The following PLXNA4 variants were observed in gnomAD, a reference collection of about 807,000 sequenced individuals.
The protein encoded by PLXNA4 is plexin-A4.
Under a neutral mutation model 191.8 loss-of-function variants are expected in PLXNA4, and 44 were observed. That is an observed-to-expected ratio of 0.23 (90% CI 0.18 to 0.29). The LOEUF is 0.29. Ranked by LOEUF, PLXNA4 falls within the 10% of genes least tolerant of loss-of-function variation. The pLI is 1.00. For missense variants in PLXNA4, 1,800 were observed against 2,488.8 expected (o/e 0.72, Z 5.89); for synonymous variants, 1,082 against 1,009.5 (o/e 1.07, Z -1.36).
At chr7:132,287,570 C>A (rs138001566) in intron 4 of PLXNA4, among the ~76,000 whole-genome samples, 7 of 152,176 alleles carry the variant, frequency 4.6e-5, no homozygotes, top group South Asian at 2.1e-4. Context: ...CATGACCCCC[C>A]CCGGAGCCTC....
At chr7:132,245,700 T>C (rs982485604) in intron 4 of PLXNA4, among the ~76,000 whole-genome samples, 1 of 152,192 alleles carries the variant, frequency 6.6e-6, no homozygotes, top group African/African-American at 2.4e-5. Flanking sequence ...CATCAACAGA[T>C]GAATGGACAA....
At chr7:132,564,352 C>T (rs1801612032) in intron 1 of PLXNA4, among the ~76,000 whole-genome samples, 1 of 148,290 alleles carries the variant, frequency 6.7e-6, no homozygotes, top group Non-Finnish European at 1.5e-5. Flanking sequence ...TCCTCCTTCT[C>T]CTCTTTCTCC....
intron 25 of PLXNA4, among the ~76,000 whole-genome samples, chr7:132,149,239 T>C (rs1795524297): frequency 6.6e-6 from 1 of 152,226 alleles, no homozygotes; most frequent in Non-Finnish European, 1.5e-5. Context: ...GCAAAGTTTA[T>C]GTAAATGATA....
intron 3 of PLXNA4, among the ~76,000 whole-genome samples, chr7:132,448,137 C>T (rs1312983524): frequency 6.6e-6 from 1 of 152,236 alleles, no homozygotes; most frequent in African/African-American, 2.4e-5. Context: ...GTTTTCCTCC[C>T]AGGACTTCCC....
Position 132,241,052 on chromosome 7 carries a change from C to G in PLXNA4, c.1604+14G>C, listed in dbSNP as rs758424798. On this transcript the variant is annotated intron_variant, in intron 5 of 31. Transcript: ENST00000321063. Reference sequence around the variant, plus strand: ...GAAGTGGGAGGCACGAGGCAGCCTCCCCATGGTACTCACGTGTTGTGCAGC... The same window carrying G: ...GAAGTGGGAGGCACGAGGCAGCCTCGCCATGGTACTCACGTGTTGTGCAGC... 1 of 1,578,776 alleles carries G rather than the reference C, an allele frequency of 6.3e-7. No homozygotes were observed. The highest frequency in any genetic ancestry group is 2.3e-5 in the East Asian group (1 of 43,940).
At chr7:132,361,583 C>T (rs1443293454) in intron 3 of PLXNA4, among the ~76,000 whole-genome samples, 1 of 152,066 alleles carries the variant, frequency 6.6e-6, no homozygotes, top group Non-Finnish European at 1.5e-5. Context: ...TTCCAACCTA[C>T]ATTAATATAA....
At chr7:132,557,525 TTTTCCTTTAA>T (rs1800853580) in intron 1 of PLXNA4, among the ~76,000 whole-genome samples, 1 of 116,430 alleles carries the variant, frequency 8.6e-6, no homozygotes, top group Admixed American at 8.8e-5. Flanking sequence ...TTTCCTTGAA[TTTTCCTTTAA>T]TTTATCTTTT....
chr7:132,528,817 C>T (rs1490097933), intron 1 of PLXNA4, among the ~76,000 whole-genome samples: 4 of 152,150 alleles, frequency 2.6e-5, no homozygotes, highest in Admixed American at 6.5e-5. Flanking sequence ...GTTTTAGAGC[C>T]GCCCAACTTG....
chr7:132,210,202 G>T (rs1023330891), intron 10 of PLXNA4, among the ~76,000 whole-genome samples: 2 of 152,180 alleles, frequency 1.3e-5, no homozygotes, highest in African/African-American at 2.4e-5. Context: ...AAAGAAGGGA[G>T]CCCAGAAAGA....
At position 132,130,140 on chromosome 7, in the gene PLXNA4, T is replaced by G; in HGVS notation, c.*339A>C. ...TCCCCTGTCCCTGGCTCCTCATTCG[T>G]TATTTGCACCCTGCTGCTGACATGC... is the stretch of plus-strand genomic sequence containing the variant. On this transcript the variant is annotated 3_prime_UTR_variant, in exon 32 of 32. Coordinates refer to ENST00000321063, the MANE Select transcript of PLXNA4 (RefSeq NM_020911.2). The G allele has an allele frequency of 3.8e-6, 1 of 262,450 alleles. No homozygotes were observed. The allele number at this position is 262,450 out of a possible 1,614,324, so 16.3% of individuals were successfully genotyped here.
chr7:132,259,011 T>C (rs1281925806), intron 4 of PLXNA4, among the ~76,000 whole-genome samples: 4 of 152,206 alleles, frequency 2.6e-5, no homozygotes, highest in Admixed American at 2.6e-4. Context: ...AATTTATTGC[T>C]TGTGTGCCAC....
At chr7:132,169,782 C>G (rs962477007) in intron 21 of PLXNA4, among the ~76,000 whole-genome samples, 3 of 151,872 alleles carry the variant, frequency 2.0e-5, no homozygotes, top group Non-Finnish European at 4.4e-5. Context: ...TGGGCATGTT[C>G]ACTTGGGGAA....
At chr7:132,645,685 A>G (rs1803853035) in intron 2 of PLXNA4, among the ~76,000 whole-genome samples, 1 of 152,252 alleles carries the variant, frequency 6.6e-6, no homozygotes, top group Non-Finnish European at 1.5e-5. Flanking sequence ...GCATAAAACT[A>G]GACTGGAACT....
chr7:132,140,732 C>T lies in PLXNA4; in HGVS notation c.5305G>A (p.Ala1769Thr), dbSNP rs760219916. The part of the protein sequence containing the change: ...FDIHKNSITD[A>T]CLSVVAQTFM... ...GTCTGAGCCACCACAGAGAGGCAGG[C>T]GTCTGTGATGCTGTTCTTATGGATG... Residue 1769 changes from alanine to threonine, a missense_variant, in exon 30 of 32, where the codon GCC becomes ACC. Physicochemically the swap from Ala to Thr is moderately conservative, Grantham distance 58. Around this residue, in one of 6 missense-constraint regions of PLXNA4, gnomAD observed 101 missense variants for 182.8 expected, o/e 0.55. Transcript: ENST00000321063. 6.2e-6 allele frequency: 10 copies of T among 1,613,580 alleles called. No individual in the cohort carries two copies. Among genetic ancestry groups the T allele is most frequent in the Non-Finnish European group, 7.6e-6 (9 of 1,179,990 alleles).
At chr7:132,168,664 T>G (rs1383204649) in intron 21 of PLXNA4, 92 bp from the exon 22 acceptor site, 2 of 1,453,770 alleles carry the variant, frequency 1.4e-6, no homozygotes, top group East Asian at 4.8e-5. Flanking sequence ...TCCATGACCC[T>G]CTCATCCACC....
At chr7:132,633,878 C>G (rs1803542863) in intron 2 of PLXNA4, among the ~76,000 whole-genome samples, 1 of 152,022 alleles carries the variant, frequency 6.6e-6, no homozygotes, top group Admixed American at 6.6e-5. Flanking sequence ...CCCTTGTCAC[C>G]CAAGGAATGA....
chr7:132,445,929 T>C (rs933000603), intron 3 of PLXNA4, among the ~76,000 whole-genome samples: 1 of 152,064 alleles, frequency 6.6e-6, no homozygotes, highest in Non-Finnish European at 1.5e-5. Context: ...GAGCAAAAAC[T>C]CCCGAGACCT....
chr7:132,417,259 T>C (rs1343573503), intron 3 of PLXNA4, among the ~76,000 whole-genome samples: 1 of 152,168 alleles, frequency 6.6e-6, no homozygotes, highest in Non-Finnish European at 1.5e-5. Flanking sequence ...AAAGGGCTCC[T>C]TGTCTGGACA....
chr7:132,561,860 CTCCTCT>C, intron 1 of PLXNA4, among the ~76,000 whole-genome samples: 1 of 141,674 alleles, frequency 7.1e-6, no homozygotes, highest in East Asian at 2.3e-4. Flanking sequence ...CCTCCTTATC[CTCCTCT>C]TTCTCCTCCT....
Sources: allele counts gnomAD v4.1 joint callset (sites outside exome capture counted in the v4.1 genomes callset), GRCh38; gene constraint gnomAD v4.1.1; regional missense constraint gnomAD v4.1.1; transcripts MANE v1.5; gene names NCBI Gene and HGNC (gene_info 2026-07-23, HGNC 2026-07-21).